TCF12: variants seen among roughly 807,000 people sequenced by gnomAD.
The protein encoded by TCF12 is transcription factor 12.
TCF12 carries 45 observed loss-of-function variants against 86.0 expected under a neutral mutation model. The observed-to-expected ratio is 0.52, with a 90% CI of 0.41 to 0.67. The LOEUF is 0.67. TCF12 is among the 30% of genes least tolerant of loss of function. The pLI is 0.00. For synonymous variants in TCF12, 330 were observed against 299.6 expected, an observed-to-expected ratio of 1.10 and a Z score of -1.05; for missense variants, 881 against 859.9, an observed-to-expected ratio of 1.02 and a Z score of -0.31.
intron 3 of TCF12, among the ~76,000 whole-genome samples, chr15:56,964,784 CCTG>C (rs1177885452): frequency 3.3e-5 from 5 of 152,092 alleles, no homozygotes; most frequent in Non-Finnish European, 7.4e-5. Flanking sequence ...ATAGTTAATA[CCTG>C]GTAACAACTA....
chr15:57,076,336 G>A (rs2070034277), intron 4 of TCF12, among the ~76,000 whole-genome samples: 1 of 151,984 alleles, frequency 6.6e-6, no homozygotes, highest in South Asian at 2.1e-4. Flanking sequence ...TTTTTAATAG[G>A]TTGTAGTAAA....
At chr15:57,222,051 A>G (rs766289055) in intron 8 of TCF12, among the ~76,000 whole-genome samples, 12 of 151,990 alleles carry the variant, frequency 7.9e-5, no homozygotes, top group Non-Finnish European at 1.6e-4. Flanking sequence ...AATTTAAACT[A>G]TTTAATCTCA....
chr15:57,139,380 A>G (rs1225892490), intron 5 of TCF12, among the ~76,000 whole-genome samples: 1 of 152,198 alleles, frequency 6.6e-6, no homozygotes, highest in Non-Finnish European at 1.5e-5. Context: ...AGAAATCATC[A>G]TACATATAAC....
chr15:57,267,602 C>G (rs1182516870), intron 18 of TCF12, among the ~76,000 whole-genome samples: 1 of 152,196 alleles, frequency 6.6e-6, no homozygotes, highest in Admixed American at 6.5e-5. Context: ...CTACTTACCA[C>G]TGCCATTAGA....
At chr15:56,966,149 C>A (rs778089819) in intron 3 of TCF12, among the ~76,000 whole-genome samples, 2 of 151,994 alleles carry the variant, frequency 1.3e-5, no homozygotes, top group African/African-American at 4.8e-5. Flanking sequence ...ATTTTGTTTC[C>A]TTATTAACTA....
chr15:57,285,526 C>T (rs2061895758), intron 20 of TCF12, among the ~76,000 whole-genome samples: 1 of 152,146 alleles, frequency 6.6e-6, no homozygotes, highest in Non-Finnish European at 1.5e-5. Context: ...GCAAGGTAGC[C>T]TCTGACCTCA....
At chr15:57,243,411 G>T in intron 12 of TCF12, 61 bp from the exon 13 acceptor site, 2 of 1,400,796 alleles carry the variant, frequency 1.4e-6, no homozygotes. Flanking sequence ...CCATGTGAAC[G>T]GATTTGTGTA....
At chr15:57,284,831 T>A (rs1236036110) in intron 20 of TCF12, among the ~76,000 whole-genome samples, 2 of 152,270 alleles carry the variant, frequency 1.3e-5, no homozygotes, top group Non-Finnish European at 2.9e-5. Flanking sequence ...CCTGTGCTTT[T>A]ACTACTTCTC....
intron 3 of TCF12, among the ~76,000 whole-genome samples, chr15:56,938,102 A>G (rs770612760): frequency 1.1e-4 from 7 of 66,660 alleles, no homozygotes; most frequent in East Asian, 4.2e-4. Flanking sequence ...TTTTGCATCT[A>G]TGTTCATCAG....
chr15:57,150,170 G>C (rs1173967367), intron 5 of TCF12, among the ~76,000 whole-genome samples: 1 of 152,156 alleles, frequency 6.6e-6, no homozygotes, highest in African/African-American at 2.4e-5. Flanking sequence ...TATGGGACTA[G>C]GATTTATAGG....
At chr15:57,066,805 C>T (rs1334849372) in intron 4 of TCF12, among the ~76,000 whole-genome samples, 1 of 152,104 alleles carries the variant, frequency 6.6e-6, no homozygotes, top group Non-Finnish European at 1.5e-5. Flanking sequence ...CAGATGAACC[C>T]TATTAATATT....
intron 8 of TCF12, among the ~76,000 whole-genome samples, chr15:57,202,497 A>G (rs1050590195): frequency 7.2e-6 from 1 of 139,024 alleles, no homozygotes; most frequent in African/African-American, 2.7e-5. Flanking sequence ...GTGCAGTGGC[A>G]TGATCTCAGC....
chr15:57,149,756 A>G (rs537862668), intron 5 of TCF12, among the ~76,000 whole-genome samples: 10 of 152,348 alleles, frequency 6.6e-5, no homozygotes, highest in Middle Eastern at 3.4e-3. Context: ...CTTCTACCTC[A>G]TGCACTACTC....
At chr15:57,064,812 A>AAAAAAAAG (rs554263213) in intron 4 of TCF12, among the ~76,000 whole-genome samples, 29 of 123,448 alleles carry the variant, frequency 2.3e-4, no homozygotes, top group Non-Finnish European at 3.5e-4. Context: ...AAAAAAAAAA[A>AAAAAAAAG]AGAGAGAGAG....
At chr15:57,115,840 A>G (rs1816937514) in intron 5 of TCF12, among the ~76,000 whole-genome samples, 1 of 122,956 alleles carries the variant, frequency 8.1e-6, no homozygotes, top group African/African-American at 3.5e-5. Flanking sequence ...AGCACCAGGT[A>G]AGCAGAGAGA....
At chr15:57,026,093 A>G (rs1469340862) in intron 3 of TCF12, among the ~76,000 whole-genome samples, 1 of 152,236 alleles carries the variant, frequency 6.6e-6, no homozygotes, top group East Asian at 1.9e-4. Context: ...AGAGATAGGA[A>G]AATTCTTTTT....
chr15:57,041,862 G>T (rs1012664460), intron 3 of TCF12, among the ~76,000 whole-genome samples: 1 of 152,084 alleles, frequency 6.6e-6, no homozygotes, highest in African/African-American at 2.4e-5. Flanking sequence ...TTACTTGATC[G>T]CATTACTAGT....
At chr15:57,081,894 C>T (rs1005349554) in intron 4 of TCF12, among the ~76,000 whole-genome samples, 2 of 152,034 alleles carry the variant, frequency 1.3e-5, no homozygotes, top group African/African-American at 4.8e-5. Flanking sequence ...AGTACTGTTA[C>T]ACAAAACCTC....
chr15:56,984,014 AAAG>A (rs1555465480), intron 3 of TCF12, among the ~76,000 whole-genome samples: 2 of 104,398 alleles, frequency 1.9e-5, no homozygotes, highest in African/African-American at 9.1e-5. Context: ...AAAAAAAAAA[AAAG>A]AAGAAGAAGA....
Sources: allele counts gnomAD v4.1 joint callset (sites outside exome capture counted in the v4.1 genomes callset), GRCh38; gene constraint gnomAD v4.1.1; transcripts MANE v1.5; gene names NCBI Gene and HGNC (gene_info 2026-07-23, HGNC 2026-07-21).